Variants in TRMT61B observed in about 807,000 individuals in gnomAD.
TRMT61B encodes the protein tRNA (adenine(58)-N(1))-methyltransferase, mitochondrial.
Under a neutral mutation model 52.0 loss-of-function variants are expected in TRMT61B, and 56 were observed. The observed-to-expected ratio is 1.08, with a 90% CI of 0.87 to 1.35. TRMT61B has a LOEUF of 1.35. Among genes scored for constraint, TRMT61B ranks in the 40% most tolerant of loss-of-function variants. The pLI, the probability that TRMT61B is intolerant of heterozygous loss-of-function variation, is 0.00. For missense variants in TRMT61B, 650 were observed against 577.9 expected, an observed-to-expected ratio of 1.12 and a Z score of -1.28; for synonymous variants, 206 against 220.0, an observed-to-expected ratio of 0.94 and a Z score of 0.56.
At chr2:28,850,716 A>G (rs1208340907) in intron 5 of TRMT61B, 1 of 316,166 alleles carries the variant, frequency 3.2e-6, no homozygotes, top group Non-Finnish European at 5.7e-6. Flanking sequence ...CAAGAATTCC[A>G]GCAGCATCTT....
chr2:28,868,118 G>T (rs934786090), intron 1 of TRMT61B, among the ~76,000 whole-genome samples: 7 of 152,082 alleles, frequency 4.6e-5, no homozygotes, highest in Non-Finnish European at 1.0e-4. Context: ...TAGTCCCTGG[G>T]TAGACCGTTT....
rs768404454 is a variant in TRMT61B at position 28,870,110 on chromosome 2, C to T, written c.168G>A (p.Ala56=). Reference sequence around the variant, plus strand: ...CTGCTCCTGGGGCTTTCCTTTGTGCCGCCTCGTGCTCTCTTTCTCCATCTC... The same window carrying T: ...CTGCTCCTGGGGCTTTCCTTTGTGCTGCCTCGTGCTCTCTTTCTCCATCTC... ...DLRDGEREHE[A]AQRKAPGAES... is the part of the protein sequence containing the mutation. Residue 56 remains alanine, a synonymous_variant, in exon 1 of 7, where the codon GCG becomes GCA. Coordinates refer to ENST00000306108, the MANE Select transcript of TRMT61B (RefSeq NM_017910.4). 6.2e-7 allele frequency: 1 copy of T among 1,614,048 alleles called. No individual in the cohort carries two copies. Among genetic ancestry groups the T allele is most frequent in the South Asian group, 1.1e-5 (1 of 91,074 alleles).
chr2:28,870,239 G>T lies in TRMT61B; in HGVS notation c.39C>A (p.Cys13Ter), dbSNP rs370907208. 5 of 1,608,740 alleles carry T rather than the reference G, an allele frequency of 3.1e-6. No homozygotes were observed. The highest frequency in any genetic ancestry group is 4.2e-6 in the Non-Finnish European group (5 of 1,178,904). Residue 13 changes from cysteine (C) to a stop codon, truncating the protein, a stop_gained, in exon 1 of 7, where the codon TGC becomes TGA. Transcript: ENST00000306108. LOFTEE classifies it high-confidence loss of function. ...MAWCRGPVLL[C>*]LRQGLGTNSF... The stretch of plus-strand genomic sequence containing the variant: ...AATTGGTTCCGAGCCCCTGCCGCAG[G>T]CACAGCAAGACAGGACCGCGGCACC...
chr2:28,858,794 CAAAAAA>C (rs1033258916), intron 3 of TRMT61B, among the ~76,000 whole-genome samples: 726 of 23,520 alleles, frequency 0.031, 6 homozygotes, highest in African/African-American at 0.11. Flanking sequence ...GACTCCGTCT[CAAAAAA>C]AAAAAAAAAA....
intron 3 of TRMT61B, among the ~76,000 whole-genome samples, chr2:28,857,230 G>A (rs761917251): frequency 2.0e-5 from 3 of 148,194 alleles, no homozygotes; most frequent in Non-Finnish European, 4.5e-5. Context: ...CATCATGCCT[G>A]GCCCACAGCT....
intron 2 of TRMT61B, 55 bp from the exon 3 acceptor site, chr2:28,861,363 G>A (rs1441938599): frequency 8.0e-6 from 11 of 1,381,604 alleles, no homozygotes; most frequent in African/African-American, 1.5e-5. Flanking sequence ...ATTAAAAAGT[G>A]TCAAAAATGT....
chr2:28,865,053 C>A lies in TRMT61B; in HGVS notation c.766G>T (p.Gly256Cys), dbSNP rs766780126. 3.7e-6 allele frequency: 6 copies of A among 1,613,228 alleles called. No individual in the cohort carries two copies. The highest frequency in any genetic ancestry group is 5.1e-6 in the Non-Finnish European group (6 of 1,179,296). Residue 256 changes from glycine (G) to cysteine (C), a missense_variant, in exon 2 of 7, where the codon GGC becomes TGC. Gly to Cys is a radical substitution (Grantham distance 159). Coordinates refer to ENST00000306108, the MANE Select transcript of TRMT61B (RefSeq NM_017910.4). The stretch of plus-strand genomic sequence containing the variant: ...AAAAATAAGCTCATTCCACCAGAGC[C>A]TGAGCCAGCTTCCAAAACAGTATCA... ...PGDTVLEAGS[G>C]SGGMSLFLSK... is the part of the protein sequence containing the mutation.
chr2:28,854,311 A>C (rs1280043009), intron 3 of TRMT61B, among the ~76,000 whole-genome samples: 2 of 152,154 alleles, frequency 1.3e-5, no homozygotes, highest in Non-Finnish European at 2.9e-5. Flanking sequence ...ATGAAGAAAA[A>C]CAGTTATAAA....
intron 1 of TRMT61B, among the ~76,000 whole-genome samples, chr2:28,865,887 G>C (rs1669821880): frequency 1.3e-5 from 2 of 151,542 alleles, no homozygotes; most frequent in South Asian, 4.2e-4. Context: ...CACCACGTTG[G>C]CCAGGCTGGT....
At chr2:28,869,523 T>C in intron 1 of TRMT61B, 56 bp downstream of exon 1, 1 of 1,207,190 alleles carries the variant, frequency 8.3e-7, no homozygotes, top group South Asian at 1.4e-5. Context: ...GACTGAGTAC[T>C]GCATCTGTCT....
chr2:28,869,585 G>A lies in TRMT61B; in HGVS notation c.693C>T (p.Phe231=), dbSNP rs1448528828. 1 of 1,607,652 alleles carries A rather than the reference G, an allele frequency of 6.2e-7. No homozygotes were observed. The highest frequency in any genetic ancestry group is 1.1e-5 in the South Asian group (1 of 90,716). ...VLMKRGTAIT[F]PKDINMILSM... ...CTTATCTCCATCGCATTACCTTTGG[G>A]AATGTTATGGCAGTCCCTCTTTTCA... Residue 231 remains phenylalanine, a synonymous_variant, in exon 1 of 7, where the codon TTC becomes TTT. Transcript: ENST00000306108.
At position 28,869,859 on chromosome 2, in the gene TRMT61B, G is replaced by A. The variant is rs1572561322; in HGVS notation, c.419C>T (p.Ser140Phe). 5 of 1,614,190 alleles carry A rather than the reference G, an allele frequency of 3.1e-6. No individual in the cohort carries two copies. In the East Asian group the frequency reaches 8.9e-5, roughly 29 times the overall value. ...SATEVEERHV[S>F]PSCSTSRERP... ...CTCTCTGGAAGTTGAACAAGAAGGGGAGACGTGACGCTCTTCGACCTCGGT... is the reference window on the plus strand; with the variant it reads ...CTCTCTGGAAGTTGAACAAGAAGGGAAGACGTGACGCTCTTCGACCTCGGT... Residue 140 changes from serine (S) to phenylalanine (F), a missense_variant, in exon 1 of 7, where the codon TCC (serine) becomes TTC (phenylalanine). Coordinates refer to ENST00000306108, the MANE Select transcript of TRMT61B (RefSeq NM_017910.4).
Position 28,870,013 on chromosome 2 carries a change from T to G in TRMT61B, c.265A>C (p.Arg89=). 9.9e-6 allele frequency: 16 copies of G among 1,613,742 alleles called. No individual in the cohort carries two copies. Among genetic ancestry groups the G allele is most frequent in the Non-Finnish European group, 1.4e-5 (16 of 1,180,016 alleles). ...TGCLSSLENL[R]LPTLREESSP... is the part of the protein sequence containing the mutation. Reference sequence around the variant, plus strand: ...GACTCTTCCCGCAGCGTCGGCAGTCTGAGGTTTTCCAGTGACGAAAGACAT... The same window carrying G: ...GACTCTTCCCGCAGCGTCGGCAGTCGGAGGTTTTCCAGTGACGAAAGACAT... The change falls in exon 1 of 7, where the codon AGA becomes CGA. Residue 89 remains arginine (R), a synonymous_variant. Coordinates refer to ENST00000306108, the MANE Select transcript of TRMT61B (RefSeq NM_017910.4).
Position 28,861,115 on chromosome 2 carries a change from T to TA in TRMT61B, c.993+2dup. ...AACACAGGACCCACGTTAGAAAACT[T>TA]ACTGCGTCAAATGTTAAAGATTTTA... On this transcript the variant is annotated splice_region_variant and intron_variant, in intron 3 of 6. Transcript: ENST00000306108. The TA allele has an allele frequency of 1.3e-6, 2 of 1,592,520 alleles. No homozygotes were observed. Among genetic ancestry groups the TA allele is most frequent in the Non-Finnish European group, 1.7e-6 (2 of 1,171,360 alleles).
rs34139201 is a variant in TRMT61B at position 28,862,864 on chromosome 2, T to TTGTGTGTG, written c.803-1564_803-1557dup. 2.2e-3 allele frequency among the ~76,000 whole-genome samples: 321 copies of TTGTGTGTG among 144,028 alleles called. 1 individual carries two copies. The highest frequency in any genetic ancestry group is 4.6e-3 in the South Asian group (20 of 4,338). 94.5% of individuals were successfully genotyped at this position (144,028 alleles called of 152,430 possible). A position where few individuals can be genotyped will look rare whatever the true frequency, so the allele number is the denominator to read the frequency against. On this transcript the variant is annotated intron_variant, in intron 2 of 6. Coordinates refer to ENST00000306108, the MANE Select transcript of TRMT61B (RefSeq NM_017910.4). ...AAAAAAAAATTAAAGGTATTTGTAT[T>TTGTGTGTG]TGTGTGTGTGTGTGTGTGTGTGTGT...
Position 28,869,638 on chromosome 2 carries a change from G to T in TRMT61B, c.640C>A (p.Pro214Thr), listed in dbSNP as rs761273430. The change falls in exon 1 of 7, where the codon CCA (proline) becomes ACA (threonine). Residue 214 changes from proline to threonine, a missense_variant. Transcript: ENST00000306108. Reference sequence around the variant, plus strand: ...AATACTACATAGTCTTCCAAGGCTGGCCTCCTCAGCATGTACTGCTTACCG... The same window carrying T: ...AATACTACATAGTCTTCCAAGGCTGTCCTCCTCAGCATGTACTGCTTACCG... ...SFGKQYMLRRPALEDYVVLMK... is the reference protein window; with the variant it reads ...SFGKQYMLRRTALEDYVVLMK... 1 of 1,614,060 alleles carries T rather than the reference G, an allele frequency of 6.2e-7. No individual in the cohort carries two copies. Among genetic ancestry groups the T allele is most frequent in the East Asian group, 2.2e-5 (1 of 44,870 alleles).
chr2:28,851,797 T>C (rs769619773), intron 4 of TRMT61B, among the ~76,000 whole-genome samples: 9 of 138,402 alleles, frequency 6.5e-5, no homozygotes, highest in Non-Finnish European at 1.2e-4. Flanking sequence ...GAGAATCACT[T>C]GAACCCAGGA....
rs903779170 is a variant in TRMT61B at position 28,850,403 on chromosome 2, C to A, written c.1315G>T (p.Glu439Ter). 1 of 1,599,660 alleles carries A rather than the reference C, an allele frequency of 6.3e-7. No individual in the cohort carries two copies. The highest frequency in any genetic ancestry group is 1.1e-5 in the South Asian group (1 of 88,132). ...CCATATGGAAAATCAGAATGCGATT[C>A]TTCTGTTGTAAAAAAATATATGTAC... Reference protein sequence around the residue: ...GELFQEDDHEESHSDFPYGSF... With the variant: ...GELFQEDDHE The change falls in exon 6 of 7, where the codon GAA becomes TAA. Residue 439 changes from glutamate (E) to a stop codon, truncating the protein, a stop_gained and splice_region_variant. Transcript: ENST00000306108. LOFTEE classifies it high-confidence loss of function.
At position 28,850,025 on chromosome 2, in the gene TRMT61B, A is replaced by G; in HGVS notation, c.*174T>C. The G allele has an allele frequency of 7.9e-7, 1 of 1,258,302 alleles. No individual in the cohort carries two copies. The highest frequency in any genetic ancestry group is 1.1e-6 in the Non-Finnish European group (1 of 881,598). The allele number at this position is 1,258,302 out of a possible 1,614,324, so 77.9% of individuals were successfully genotyped here. A position where few individuals can be genotyped will look rare whatever the true frequency, so the allele number is the denominator to read the frequency against. ...GACAAGTGTCAAAATGGGATGTTTA[A>G]GCAGTTTTGCTATGTTATACATCTT... On this transcript the variant is annotated 3_prime_UTR_variant, in exon 7 of 7. Coordinates refer to ENST00000306108, the MANE Select transcript of TRMT61B (RefSeq NM_017910.4).
Sources: gnomAD v4.1 joint callset for allele counts (sites outside exome capture counted in the v4.1 genomes callset) on GRCh38, gnomAD v4.1.1 for gene constraint, MANE v1.5 for transcripts, NCBI Gene and HGNC (gene_info 2026-07-23, HGNC 2026-07-21) for gene names.